The following DGKK variants were observed in gnomAD, a reference collection of about 807,000 sequenced individuals.
The protein encoded by DGKK is 142 kDa diacylglycerol kinase.
Under a neutral mutation model 92.2 loss-of-function variants are expected in DGKK, and 35 were observed. The ratio of observed to expected loss-of-function variants is 0.38; its 90% CI spans 0.29 to 0.50. The LOEUF (loss-of-function observed/expected upper bound fraction) is 0.50, where lower values mean the gene tolerates loss of function less well. DGKK is among the 20% of genes least tolerant of loss of function. DGKK has a pLI of 0.92. For synonymous variants in DGKK, 368 were observed against 360.6 expected (o/e 1.02, Z -0.23); for missense variants, 910 against 992.2 (o/e 0.92, Z 1.11).
Position 50,470,366 on chromosome X carries a change from G to A in DGKK, c.313C>T (p.Pro105Ser), listed in dbSNP as rs781861053. Residue 105 changes from proline (P) to serine (S), a missense_variant, in exon 1 of 28, where the codon CCT (proline) becomes TCT (serine). Transcript: ENST00000611977. ...GGTTCTGGGGCCGGCTCTGTGGCAG[G>A]TTCTGGGGCCGGCTCTGTGGCAGGT... ...PEPATEPAPE[P>S]ATEPAPEPAP... 5.8e-6 allele frequency: 7 copies of A among 1,211,410 alleles called. No homozygotes were observed. The South Asian group carries it at 1.2e-4, about 21-fold the overall frequency.
chrX:50,426,333 C>T (rs1925741078), intron 1 of DGKK, among the ~76,000 whole-genome samples: 1 of 111,694 alleles, frequency 9.0e-6, no homozygotes, highest in African/African-American at 3.3e-5. Flanking sequence ...CTTAAAGAAC[C>T]TATTTTTCAG....
intron 17 of DGKK, among the ~76,000 whole-genome samples, chrX:50,383,660 T>C (rs781978520): frequency 9.0e-6 from 1 of 111,634 alleles, no homozygotes; most frequent in Non-Finnish European, 1.9e-5. Context: ...ATCTTCTTAA[T>C]GGAACTCAGA....
chrX:50,427,474 A>C (rs1925774682), intron 1 of DGKK, among the ~76,000 whole-genome samples: 1 of 110,062 alleles, frequency 9.1e-6, no homozygotes, highest in Non-Finnish European at 1.9e-5. Context: ...AGAATGTACA[A>C]CACCAAGAAT....
At chrX:50,416,772 C>T (rs1925444803) in intron 4 of DGKK, among the ~76,000 whole-genome samples, 1 of 111,325 alleles carries the variant, frequency 9.0e-6, no homozygotes, top group South Asian at 3.8e-4. Flanking sequence ...GAGCAAACCA[C>T]TAGCCATGGA....
chrX:50,390,530 G>A (rs1444288789), intron 11 of DGKK, 121 bp from the exon 12 acceptor site: 4 of 573,835 alleles, frequency 7.0e-6, no homozygotes, highest in Non-Finnish European at 8.6e-6. Flanking sequence ...GGGTTGTAGG[G>A]GGTGTCCAAG....
intron 4 of DGKK, among the ~76,000 whole-genome samples, chrX:50,418,520 G>A (rs1429321572): frequency 8.9e-6 from 1 of 111,764 alleles, no homozygotes; most frequent in Non-Finnish European, 1.9e-5. Flanking sequence ...TCAGGCATTG[G>A]TGGTGACAGA....
In DGKK at chrX:50,371,644, GTCC is replaced by G. The variant is rs1924131241; in HGVS notation, c.3612+77_3612+79del. On this transcript the variant is annotated intron_variant, in intron 26 of 27. Coordinates refer to ENST00000611977, the MANE Select transcript of DGKK (RefSeq NM_001013742.4). ...GGACCCCCTGTACTACAGTCACCATGTCCTGGCCCACACTGGAAGGGAAGGCAC... is the reference window on the plus strand; with the variant it reads ...GGACCCCCTGTACTACAGTCACCATGTGGCCCACACTGGAAGGGAAGGCAC... 133 of 738,799 alleles carry G rather than the reference GTCC, an allele frequency of 1.8e-4. 1 individual carries two copies. In the South Asian group the frequency reaches 3.2e-3, roughly 18 times the overall value. 60.9% of individuals were successfully genotyped at this position (738,799 alleles called of 1,213,427 possible). A position where few individuals can be genotyped will look rare whatever the true frequency, so the allele number is the denominator to read the frequency against.
intron 25 of DGKK, among the ~76,000 whole-genome samples, chrX:50,372,429 G>A (rs1924161270): frequency 8.9e-6 from 1 of 111,989 alleles, no homozygotes; most frequent in African/African-American, 3.2e-5. Flanking sequence ...GCCAGATGCT[G>A]AGGGAATCTT....
rs1569544206 is a variant in DGKK at position 50,384,272 on chromosome X, C to G, written c.2453-8G>C. Reference sequence around the variant, plus strand: ...AAGTGCCACGACGAGAACCTAGACACAAAAGACATCACTTGGGTGACGGAT... The same window carrying G: ...AAGTGCCACGACGAGAACCTAGACAGAAAAGACATCACTTGGGTGACGGAT... On this transcript the variant is annotated splice_region_variant and splice_polypyrimidine_tract_variant and intron_variant, in intron 16 of 27. Coordinates refer to ENST00000611977, the MANE Select transcript of DGKK (RefSeq NM_001013742.4). The G allele has an allele frequency of 2.7e-6, 3 of 1,114,742 alleles. No homozygotes were observed. In the Admixed American group the frequency reaches 7.8e-5, roughly 29 times the overall value. The allele number at this position is 1,114,742 out of a possible 1,213,427, so 91.9% of individuals were successfully genotyped here. A position where few individuals can be genotyped will look rare whatever the true frequency, so the allele number is the denominator to read the frequency against.
At chrX:50,440,531 T>C (rs1926146105) in intron 1 of DGKK, among the ~76,000 whole-genome samples, 1 of 111,736 alleles carries the variant, frequency 8.9e-6, no homozygotes, top group Non-Finnish European at 1.9e-5. Flanking sequence ...TTATACTTTG[T>C]CATTCATGTG....
At position 50,424,375 on chromosome X, in the gene DGKK, T is replaced by C. The variant is rs1925681866; in HGVS notation, c.646-17A>G. 2.9e-5 allele frequency: 34 copies of C among 1,180,699 alleles called. No individual in the cohort carries two copies. The highest frequency in any genetic ancestry group is 3.9e-5 in the Non-Finnish European group (34 of 868,504). ...CAATATTTTCTGAAAGATAGAAGCA[T>C]GGTGTTGAGCAATTAGATCAATTCA... On this transcript the variant is annotated splice_polypyrimidine_tract_variant and intron_variant, in intron 1 of 27. Transcript: ENST00000611977.
intron 1 of DGKK, among the ~76,000 whole-genome samples, chrX:50,443,306 C>G (rs1392631699): frequency 9.0e-6 from 1 of 111,271 alleles, no homozygotes; most frequent in Non-Finnish European, 1.9e-5. Context: ...TCCACTGTGA[C>G]ATCCCTATGC....
chrX:50,409,556 T>G (rs1291446273), intron 4 of DGKK, among the ~76,000 whole-genome samples: 1 of 112,275 alleles, frequency 8.9e-6, no homozygotes, highest in African/African-American at 3.2e-5. Flanking sequence ...TTTAAAACTG[T>G]GGCATGTACA....
chrX:50,406,879 G>A (rs1925167273), intron 4 of DGKK, among the ~76,000 whole-genome samples: 1 of 111,687 alleles, frequency 9.0e-6, no homozygotes, highest in African/African-American at 3.3e-5. Context: ...GGGAAATGGG[G>A]TGCTGCTGTA....
rs376732026 is a variant in DGKK at position 50,424,251 on chromosome X, G to A, written c.753C>T (p.Pro251=). 1.7e-5 allele frequency: 20 copies of A among 1,206,947 alleles called. No homozygotes were observed. Among genetic ancestry groups the A allele is most frequent in the African/African-American group, 8.8e-5 (5 of 57,106 alleles). ...QGQKLYFAHH[P]AFAHFETIDL... is the part of the protein sequence containing the mutation. Reference sequence around the variant, plus strand: ...TTGACAATATGCTATACATTACCGCGGGATGGTGTGCAAAGTAGAGCTTCT... The same window carrying A: ...TTGACAATATGCTATACATTACCGCAGGATGGTGTGCAAAGTAGAGCTTCT... Residue 251 remains proline (P), a synonymous_variant, in exon 2 of 28, where the codon CCC becomes CCT. Coordinates refer to ENST00000611977, the MANE Select transcript of DGKK (RefSeq NM_001013742.4).
chrX:50,456,014 A>G (rs1557232842), intron 1 of DGKK, among the ~76,000 whole-genome samples: 1 of 112,021 alleles, frequency 8.9e-6, no homozygotes, highest in East Asian at 2.8e-4. Flanking sequence ...ACACCCTCAT[A>G]TAGTGCACAA....
chrX:50,422,229 T>C (rs782051252), intron 3 of DGKK, among the ~76,000 whole-genome samples: 1 of 111,706 alleles, frequency 9.0e-6, no homozygotes. Context: ...CCCCTTGAAA[T>C]CAGCTTAGCT....
intron 1 of DGKK, among the ~76,000 whole-genome samples, chrX:50,454,388 G>A (rs1926561783): frequency 9.0e-6 from 1 of 111,144 alleles, no homozygotes; most frequent in Non-Finnish European, 1.9e-5. Context: ...GAGGTAAGCA[G>A]GCCACCATCA....
rs781916905 is a variant in DGKK at position 50,460,323 on chromosome X, G to C, written c.645+9711C>G. Among the ~76,000 whole-genome samples the C allele has an allele frequency of 6.2e-5, 7 of 112,072 alleles. No individual in the cohort carries two copies. The East Asian group carries it at 1.7e-3, about 27-fold the overall frequency. On this transcript the variant is annotated intron_variant, in intron 1 of 27. Coordinates refer to ENST00000611977, the MANE Select transcript of DGKK (RefSeq NM_001013742.4). The stretch of plus-strand genomic sequence containing the variant: ...TTGCTGCAGGAGAAGGTAAATGAAT[G>C]AACATCCAGGATTTAGTCCTACAAG...
Sources: allele counts gnomAD v4.1 joint callset (sites outside exome capture counted in the v4.1 genomes callset), GRCh38; gene constraint gnomAD v4.1.1; transcripts MANE v1.5; gene names NCBI Gene and HGNC (gene_info 2026-07-23, HGNC 2026-07-21).